Variants in RHBDD1 observed in about 807,000 individuals in gnomAD.
RHBDD1 encodes rhomboid-related protein 4.
In RHBDD1, 38 loss-of-function variants were observed where a neutral mutation model predicts 36.3. The observed-to-expected ratio is 1.05, with a 90% confidence interval of 0.81 to 1.37. The LOEUF (loss-of-function observed/expected upper bound fraction) is 1.37, where lower values mean the gene tolerates loss of function less well. Ranked by LOEUF, RHBDD1 falls within the 40% of genes most tolerant of loss-of-function variation. RHBDD1 has a pLI of 0.00. For missense variants in RHBDD1, 393 were observed against 377.6 expected (o/e 1.04, Z -0.34); for synonymous variants, 151 against 136.5 (o/e 1.11, Z -0.74).
At chr2:226,944,316 G>C (rs746918585) in intron 8 of RHBDD1, among the ~76,000 whole-genome samples, 4 of 152,150 alleles carry the variant, frequency 2.6e-5, no homozygotes, top group Non-Finnish European at 4.4e-5. Context: ...CTGTTTTGTA[G>C]CTGCTTGAAC....
chr2:226,814,435 AG>A, the RHBDD1 span, among the ~76,000 whole-genome samples: 2 of 152,318 alleles, frequency 1.3e-5, no homozygotes, highest in African/African-American at 4.8e-5. Context: ...ACGGATCAAA[AG>A]TTTGGACTTA....
At chr2:226,941,066 C>T (rs896397575) in intron 8 of RHBDD1, among the ~76,000 whole-genome samples, 1 of 152,006 alleles carries the variant, frequency 6.6e-6, no homozygotes, top group African/African-American at 2.4e-5. Flanking sequence ...CCTGCCTCAG[C>T]CCGCCTAGTA....
intron 5 of RHBDD1, among the ~76,000 whole-genome samples, chr2:226,902,644 TTGAA>T (rs1947692473): frequency 6.6e-6 from 1 of 152,246 alleles, no homozygotes; most frequent in African/African-American, 2.4e-5. Context: ...TCAGTTTTGA[TTGAA>T]TAAGATCATA....
intron 8 of RHBDD1, among the ~76,000 whole-genome samples, chr2:226,951,448 A>G (rs1951422816): frequency 6.6e-6 from 1 of 152,176 alleles, no homozygotes; most frequent in African/African-American, 2.4e-5. Context: ...AAAATTTAGC[A>G]AATTAGAGTT....
chr2:226,837,923 T>C (rs1179474450), intron 1 of RHBDD1, 150 bp from the exon 2 acceptor site: 1 of 152,234 alleles, frequency 6.6e-6, no homozygotes, highest in African/African-American at 2.4e-5. Flanking sequence ...TCTGTCCTTA[T>C]CTTTGTTTCC....
chr2:226,912,101 A>C (rs1008532387), intron 7 of RHBDD1, among the ~76,000 whole-genome samples: 1 of 152,210 alleles, frequency 6.6e-6, no homozygotes. Context: ...ACACATGGCC[A>C]ATAAGCACAT....
intron 4 of RHBDD1, 120 bp downstream of exon 4, chr2:226,865,246 T>G: frequency 1.3e-6 from 1 of 786,724 alleles, no homozygotes. Flanking sequence ...TGCTGAGGCT[T>G]TGCGTCTTGA....
chr2:226,865,759 T>G (rs1944271621), intron 4 of RHBDD1, among the ~76,000 whole-genome samples: 1 of 152,146 alleles, frequency 6.6e-6, no homozygotes, highest in Non-Finnish European at 1.5e-5. Flanking sequence ...TTGAAAGACA[T>G]CCTATTCGGG....
chr2:226,867,454 A>T, intron 5 of RHBDD1, 136 bp downstream of exon 5: 1 of 1,205,270 alleles, frequency 8.3e-7, no homozygotes, highest in Non-Finnish European at 1.1e-6. Flanking sequence ...AATCAAGCTT[A>T]ATAGTTTTAA....
intron 5 of RHBDD1, among the ~76,000 whole-genome samples, chr2:226,874,860 A>G (rs1945092294): frequency 6.6e-6 from 1 of 152,184 alleles, no homozygotes; most frequent in Admixed American, 6.5e-5. Flanking sequence ...TGCCAATCCC[A>G]TGTGTCTCAG....
chr2:226,962,572 A>G (rs1301919927), intron 8 of RHBDD1, among the ~76,000 whole-genome samples: 1 of 152,244 alleles, frequency 6.6e-6, no homozygotes, highest in African/African-American at 2.4e-5. Flanking sequence ...TCAGGCTTTT[A>G]CATTTACTTC....
intron 5 of RHBDD1, among the ~76,000 whole-genome samples, chr2:226,870,631 C>T (rs1036332559): frequency 1.3e-5 from 2 of 152,120 alleles, no homozygotes; most frequent in African/African-American, 4.8e-5. Context: ...ATTTTTGACA[C>T]CCCAAAGACT....
chr2:226,812,647 C>CTCTCTTTTTTTTT, the RHBDD1 span, among the ~76,000 whole-genome samples: 13 of 150,302 alleles, frequency 8.6e-5, no homozygotes, highest in Non-Finnish European at 1.3e-4. Flanking sequence ...CTCTCTCTCT[C>CTCTCTTTTTTTTT]TTTTTTTTTG....
chr2:226,891,385 C>A (rs1160532683), intron 5 of RHBDD1, among the ~76,000 whole-genome samples: 1 of 152,148 alleles, frequency 6.6e-6, no homozygotes, highest in Admixed American at 6.5e-5. Flanking sequence ...GAAGAGTCTG[C>A]TAGTGAGGCA....
Position 226,997,964 on chromosome 2 carries a change from AT to A in RHBDD1, c.*2444del, listed in dbSNP as rs1385248618. On this transcript the variant is annotated 3_prime_UTR_variant, in exon 9 of 9. Coordinates refer to ENST00000392062, the MANE Select transcript of RHBDD1 (RefSeq NM_001167608.3). ...AGTTATGCCAACAAACTGGAATTGG[AT>A]TGAGAAAGACAAAAGCAAGTGAGCA... 1.3e-5 allele frequency: 2 copies of A among 152,228 alleles called. No individual in the cohort carries two copies. The highest frequency in any genetic ancestry group is 2.9e-5 in the Non-Finnish European group (2 of 68,040). 9.4% of individuals were successfully genotyped at this position (152,228 alleles called of 1,614,324 possible).
At chr2:226,882,402 C>T (rs1253095516) in intron 5 of RHBDD1, among the ~76,000 whole-genome samples, 2 of 136,668 alleles carry the variant, frequency 1.5e-5, no homozygotes, top group Non-Finnish European at 3.0e-5. Flanking sequence ...TGCACTCCAG[C>T]CTGGGCAACA....
intron 8 of RHBDD1, among the ~76,000 whole-genome samples, chr2:226,970,068 C>A (rs921322459): frequency 6.8e-6 from 1 of 147,718 alleles, no homozygotes; most frequent in Non-Finnish European, 1.5e-5. Flanking sequence ...CCTCTCCCCC[C>A]GCATTCCTTA....
chr2:226,854,882 G>A (rs190401576), intron 3 of RHBDD1, among the ~76,000 whole-genome samples: 238 of 152,330 alleles, frequency 1.6e-3, no homozygotes, highest in African/African-American at 5.7e-3. Context: ...GTCAGGTGCT[G>A]TGTAAGTAGA....
chr2:226,823,558 T>C, the RHBDD1 span, among the ~76,000 whole-genome samples: 1 of 152,196 alleles, frequency 6.6e-6, no homozygotes, highest in Admixed American at 6.5e-5. Context: ...AAGAAATCCT[T>C]GTTTTTATAA....
Sources: gnomAD v4.1 joint callset for allele counts (sites outside exome capture counted in the v4.1 genomes callset) on GRCh38, gnomAD v4.1.1 for gene constraint, MANE v1.5 for transcripts, NCBI Gene and HGNC (gene_info 2026-07-23, HGNC 2026-07-21) for gene names.